The following SH3BP2 variants were observed in gnomAD, a reference collection of about 807,000 sequenced individuals.
SH3BP2 encodes SH3 domain binding protein 2.
A neutral mutation model predicts 56.2 loss-of-function variants in SH3BP2; 38 were observed. The ratio of observed to expected loss-of-function variants is 0.68; its 90% confidence interval spans 0.52 to 0.89. The LOEUF (loss-of-function observed/expected upper bound fraction) is 0.89, where lower values mean the gene tolerates loss of function less well. SH3BP2 is among the 40% of genes least tolerant of loss of function. SH3BP2 has a pLI of 0.00. For synonymous variants in SH3BP2, 346 were observed against 316.7 expected, an observed-to-expected ratio of 1.09 and a Z score of -0.98; for missense variants, 748 against 762.6, an observed-to-expected ratio of 0.98 and a Z score of 0.23.
chr4:2,818,018 A>G (rs1724078797), intron 1 of SH3BP2: 1 of 158,974 alleles, frequency 6.3e-6, no homozygotes, highest in Non-Finnish European at 1.3e-5. Context: ...GGCTGCACCA[A>G]CAGATGTGGG....
chr4:2,830,400 C>T (rs1724920999), intron 8 of SH3BP2, among the ~76,000 whole-genome samples: 1 of 152,206 alleles, frequency 6.6e-6, no homozygotes, highest in South Asian at 2.1e-4. Flanking sequence ...CTCACGCTGG[C>T]AACCAAGCTG....
At chr4:2,828,355 C>G (rs868260669) in intron 7 of SH3BP2, among the ~76,000 whole-genome samples, 22 of 152,246 alleles carry the variant, frequency 1.4e-4, no homozygotes, top group African/African-American at 5.3e-4. Context: ...CTGCCGACCC[C>G]AGCCCCTGAC....
chr4:2,833,450 C>T, intron 12 of SH3BP2: 1 of 607,322 alleles, frequency 1.6e-6, no homozygotes, highest in Non-Finnish European at 2.9e-6. Context: ...AGGTTCATTT[C>T]CTGACCTTGT....
intron 3 of SH3BP2, chr4:2,823,522 T>C (rs1446207883): frequency 2.2e-6 from 1 of 456,526 alleles, no homozygotes; most frequent in South Asian, 1.5e-5. Context: ...CTGGGCTCTA[T>C]CCAGTGATGG....
Position 2,831,598 on chromosome 4 carries a change from C to T in SH3BP2, c.1269C>T (p.Phe423=). Residue 423 remains phenylalanine, a synonymous_variant, in exon 9 of 13, where the codon TTC becomes TTT. Coordinates refer to ENST00000503393, the MANE Select transcript of SH3BP2 (RefSeq NM_001122681.2). This position sits in a 1 kb window ranked among gnomAD's most constrained non-coding sequence, Gnocchi z 4.1. Reference sequence around the variant, plus strand: ...GATCACCCCCCGATGGGCAGAGTTTCAGGAGCTTCTCCTTTGAAAAGCCCC... The same window carrying T: ...GATCACCCCCCGATGGGCAGAGTTTTAGGAGCTTCTCCTTTGAAAAGCCCC... The part of the protein sequence containing the change: ...LQRSPPDGQS[F]RSFSFEKPRQ... The T allele has an allele frequency of 1.9e-6, 3 of 1,598,816 alleles. No individual in the cohort carries two copies. Among genetic ancestry groups the T allele is most frequent in the Non-Finnish European group, 2.6e-6 (3 of 1,172,130 alleles).
chr4:2,809,448 T>C (rs1723659001), intron 1 of SH3BP2, among the ~76,000 whole-genome samples: 1 of 151,998 alleles, frequency 6.6e-6, no homozygotes, highest in African/African-American at 2.4e-5. Context: ...CCCTGAGCTC[T>C]GCAGACCCTC....
At chr4:2,825,887 G>A (rs181583738) in intron 5 of SH3BP2, among the ~76,000 whole-genome samples, 68 of 152,334 alleles carry the variant, frequency 4.5e-4, no homozygotes, top group African/African-American at 1.5e-3. Context: ...GAGCTGGCCC[G>A]ACGTGCAGCA....
At chr4:2,832,202 C>A in intron 10 of SH3BP2, 129 bp from the exon 11 acceptor site, 1 of 1,022,900 alleles carries the variant, frequency 9.8e-7, no homozygotes, top group Non-Finnish European at 1.6e-6. Flanking sequence ...CACGGCAGCC[C>A]GACGTGCTCA....
intron 1 of SH3BP2, chr4:2,812,514 C>A: frequency 6.5e-7 from 1 of 1,542,158 alleles, no homozygotes; most frequent in Non-Finnish European, 8.8e-7. Flanking sequence ...GCTCGGGAGG[C>A]GGCACTGGTC....
intron 11 of SH3BP2, 72 bp from the exon 12 acceptor site, chr4:2,832,918 C>A: frequency 6.7e-7 from 1 of 1,493,998 alleles, no homozygotes; most frequent in Non-Finnish European, 9.3e-7. Flanking sequence ...CCCCTATCCC[C>A]AGCCCATGGT....
chr4:2,833,581 C>T (rs1339521917), intron 12 of SH3BP2, 116 bp from the exon 13 acceptor site: 2 of 1,392,294 alleles, frequency 1.4e-6, no homozygotes, highest in African/African-American at 1.4e-5. Flanking sequence ...AGCCAGGGGC[C>T]AGCCTGGTGA....
intron 1 of SH3BP2, among the ~76,000 whole-genome samples, chr4:2,794,468 A>G (rs1219576317): frequency 6.6e-6 from 1 of 152,226 alleles, no homozygotes; most frequent in Non-Finnish European, 1.5e-5. Flanking sequence ...CTGGCAGGAC[A>G]GGAGGCCTGG....
At position 2,835,841 on chromosome 4, in the gene SH3BP2, G is replaced by C. The variant is rs1339446063; in HGVS notation, c.*2007G>C. ...GGATTTTATCATGTTGGCCAGGCTG[G>C]TCTCGAACTCCTGACCTCAGGTGAT... On this transcript the variant is annotated 3_prime_UTR_variant, in exon 13 of 13. Coordinates refer to ENST00000503393, the MANE Select transcript of SH3BP2 (RefSeq NM_001122681.2). The C allele has an allele frequency of 1.3e-5, 2 of 152,162 alleles. No homozygotes were observed. Among genetic ancestry groups the C allele is most frequent in the East Asian group, 3.8e-4 (2 of 5,202 alleles). The allele number at this position is 152,162 out of a possible 1,614,324, so 9.4% of individuals were successfully genotyped here. A position where few individuals can be genotyped will look rare whatever the true frequency, so the allele number is the denominator to read the frequency against.
chr4:2,802,482 ATATG>A (rs1008359303), intron 1 of SH3BP2, among the ~76,000 whole-genome samples: 19 of 150,208 alleles, frequency 1.3e-4, no homozygotes, highest in African/African-American at 4.7e-4. Flanking sequence ...ATGTGTATAT[ATATG>A]TGTATATGTA....
rs1350884351 is a variant in SH3BP2 at position 2,837,602 on chromosome 4, G to A, written c.*3768G>A. Reference sequence around the variant, plus strand: ...GGCTTTTGAGGGTGATCCAGGCGCTGGAGGGATGGCCTAGGACACCAGGGT... The same window carrying A: ...GGCTTTTGAGGGTGATCCAGGCGCTAGAGGGATGGCCTAGGACACCAGGGT... On this transcript the variant is annotated 3_prime_UTR_variant, in exon 13 of 13. Coordinates refer to ENST00000503393, the MANE Select transcript of SH3BP2 (RefSeq NM_001122681.2). 4 of 152,470 alleles carry A rather than the reference G, an allele frequency of 2.6e-5. No individual in the cohort carries two copies. The highest frequency in any genetic ancestry group is 7.2e-5 in the African/African-American group (3 of 41,446). 9.4% of individuals were successfully genotyped at this position (152,470 alleles called of 1,614,324 possible).
intron 1 of SH3BP2, among the ~76,000 whole-genome samples, chr4:2,815,536 C>G (rs532949994): frequency 6.6e-6 from 1 of 152,250 alleles, no homozygotes; most frequent in Non-Finnish European, 1.5e-5. Context: ...AGGACTGTAA[C>G]CTGTCCCTGT....
At chr4:2,796,859 C>T (rs574638885) in intron 1 of SH3BP2, among the ~76,000 whole-genome samples, 6 of 152,292 alleles carry the variant, frequency 3.9e-5, no homozygotes, top group South Asian at 4.1e-4. Flanking sequence ...GCTGAGGCCG[C>T]GAGGCAGGGG....
intron 1 of SH3BP2, among the ~76,000 whole-genome samples, chr4:2,795,380 T>C (rs1348913528): frequency 1.3e-5 from 2 of 152,222 alleles, no homozygotes; most frequent in Admixed American, 6.5e-5. Context: ...AGTGACTATG[T>C]GTGGCAGGCT....
intron 1 of SH3BP2, among the ~76,000 whole-genome samples, chr4:2,806,159 C>A (rs1723525678): frequency 6.6e-6 from 1 of 152,230 alleles, no homozygotes; most frequent in African/African-American, 2.4e-5. Context: ...CTGACCACGG[C>A]TCTATTCTGC....
Sources: gnomAD v4.1 joint callset for allele counts (sites outside exome capture counted in the v4.1 genomes callset) on GRCh38, gnomAD v4.1.1 for gene constraint, Gnocchi (gnomAD v3.1) non-coding constraint, MANE v1.5 for transcripts, NCBI Gene and HGNC (gene_info 2026-07-23, HGNC 2026-07-21) for gene names.